Variants in LAMB2 observed in about 807,000 individuals in gnomAD.
The protein encoded by LAMB2 is laminin subunit beta-2.
Under a neutral mutation model 202.7 loss-of-function variants are expected in LAMB2, and 119 were observed. The ratio of observed to expected loss-of-function variants is 0.59; its 90% CI spans 0.51 to 0.68. The LOEUF (loss-of-function observed/expected upper bound fraction) is 0.68, where lower values mean the gene tolerates loss of function less well. Among genes scored for constraint, LAMB2 ranks in the 30% least tolerant of loss-of-function variants. The probability of loss-of-function intolerance (pLI) is 0.00; values close to 1 mark genes in which losing one functional copy is unlikely to be tolerated. For missense variants in LAMB2, 2,124 were observed against 2,410.6 expected, an observed-to-expected ratio of 0.88 and a Z score of 2.49; for synonymous variants, 818 against 902.2, an observed-to-expected ratio of 0.91 and a Z score of 1.67.
Position 49,125,970 on chromosome 3 carries a change from G to A in LAMB2, c.2341C>T (p.Leu781=). 6.2e-7 allele frequency: 1 copy of A among 1,614,158 alleles called. No homozygotes were observed. The highest frequency in any genetic ancestry group is 1.7e-5 in the Admixed American group (1 of 60,024). ...SLSTLIYNGA[L]PCQCNPQGSL... ...AACCCACATCACAGACACTCACGCA[G>A]GGCACCATTGTAGATGAGGGTGGAC... is the stretch of plus-strand genomic sequence containing the variant. Residue 781 remains leucine (L), a synonymous_variant, in exon 17 of 32, where the codon CTG becomes TTG. Transcript: ENST00000305544.
chr3:49,132,340 G>A lies in LAMB2; in HGVS notation c.315C>T (p.Ser105=). The part of the protein sequence containing the change: ...RPFSARDNPH[S]HRIQNVVTSF... ...TGGTGACTACATTCTGGATGCGATG[G>A]CTGTGTGGGTTGTCTCTAGCAGAGA... Residue 105 remains serine, a synonymous_variant, in exon 3 of 32, where the codon AGC becomes AGT. Coordinates refer to ENST00000305544, the MANE Select transcript of LAMB2 (RefSeq NM_002292.4). The surrounding 1 kb of genome is among the most constrained non-coding windows in gnomAD (Gnocchi z 4.6). The A allele has an allele frequency of 6.2e-7, 1 of 1,614,242 alleles. No homozygotes were observed.
rs1252840499 is a variant in LAMB2, at chr3:49,128,744, G to A, written c.1807C>T (p.Gln603Ter). 6.2e-7 allele frequency: 1 copy of A among 1,614,036 alleles called. No individual in the cohort carries two copies. Among genetic ancestry groups the A allele is most frequent in the Non-Finnish European group, 8.5e-7 (1 of 1,180,034 alleles). ...SWTGSGFVRL[Q>*]EGQTLEFLVA... The stretch of plus-strand genomic sequence containing the variant: ...AGGAACTCCAGGGTCTGACCTTCCT[G>A]TAGCCGCACGAAGCCTGAGCCAGTC... Residue 603 changes from glutamine (Q) to a stop codon, truncating the protein, a stop_gained, in exon 14 of 32, where the codon CAG becomes TAG. Coordinates refer to ENST00000305544, the MANE Select transcript of LAMB2 (RefSeq NM_002292.4). LOFTEE classifies it high-confidence loss of function.
In LAMB2 at chr3:49,123,134, G is replaced by A. The variant is rs143974640; in HGVS notation, c.4222C>T (p.Leu1408=). 1.1e-3 allele frequency: 1,807 copies of A among 1,611,696 alleles called. 21 individuals are homozygous for A. The African/African-American group carries it at 0.021, about 19-fold the overall frequency. ...CCCACCCAACACTTCAACCTCACCA[G>A]CTCATTTATGTCTGTCAGGCTCAGG... ...HTLSLTDINE[L]VCGAPGDAPC... is the part of the protein sequence containing the mutation. Residue 1408 remains leucine (L), a splice_region_variant and synonymous_variant, in exon 26 of 32, where the codon CTG becomes TTG. Transcript: ENST00000305544.
chr3:49,128,794 A>C lies in LAMB2; in HGVS notation c.1757T>G (p.Val586Gly). ...GQVLDVVERL[V>G]TPGETPSWTG... ...CCAGGATGGAGTTTCCCCGGGGGTC[A>C]CCAGGCGCTCCACCACATCGAGCAC... The change falls in exon 14 of 32, where the codon GTG becomes GGG. Residue 586 changes from valine (V) to glycine (G), a missense_variant. Physicochemically the swap from Val to Gly is moderately radical, Grantham distance 109. This residue lies in a region of LAMB2 where 1,702 missense variants were observed against 1,896.3 expected (regional missense o/e 0.90). Transcript: ENST00000305544. The C allele has an allele frequency of 6.2e-7, 1 of 1,613,624 alleles. No individual in the cohort carries two copies. The highest frequency in any genetic ancestry group is 8.5e-7 in the Non-Finnish European group (1 of 1,179,680).
In LAMB2 at chr3:49,132,348, G is replaced by C; in HGVS notation, c.307C>G (p.Pro103Ala). ...ACATTCTGGATGCGATGGCTGTGTG[G>C]GTTGTCTCTAGCAGAGAAGGGGCGC... ...SRRPFSARDN[P>A]HSHRIQNVVT... The change falls in exon 3 of 32, where the codon CCA (proline) becomes GCA (alanine). Residue 103 changes from proline to alanine, a missense_variant. This residue lies in a region of LAMB2 where 166 missense variants were observed against 158.2 expected (regional missense o/e 1.05). Coordinates refer to ENST00000305544, the MANE Select transcript of LAMB2 (RefSeq NM_002292.4). The surrounding 1 kb of genome is among the most constrained non-coding windows in gnomAD (Gnocchi z 4.6). 6.2e-7 allele frequency: 1 copy of C among 1,614,238 alleles called. No individual in the cohort carries two copies. The highest frequency in any genetic ancestry group is 1.6e-4 in the Middle Eastern group (1 of 6,062).
rs775759513 is a variant in LAMB2, at chr3:49,125,765, C to T, written c.2470G>A (p.Gly824Ser). ...AGAGTACCTTGACAGCCTGTGGGGC[C>T]AAAGCCATAGTAGCCAGGGGCACAG... ...DLCAPGYYGF[G>S]PTGCQACQCS... Residue 824 changes from glycine to serine, a missense_variant, in exon 18 of 32, where the codon GGC becomes AGC. Physicochemically the swap from Gly to Ser is moderately conservative, Grantham distance 56. Coordinates refer to ENST00000305544, the MANE Select transcript of LAMB2 (RefSeq NM_002292.4). The T allele has an allele frequency of 8.1e-6, 13 of 1,614,000 alleles. No homozygotes were observed. Among genetic ancestry groups the T allele is most frequent in the Non-Finnish European group, 1.1e-5 (13 of 1,179,958 alleles).
intron 15 of LAMB2, among the ~76,000 whole-genome samples, chr3:49,127,749 G>T (rs185652065): frequency 7.0e-6 from 1 of 143,720 alleles, no homozygotes; most frequent in Admixed American, 7.0e-5. Context: ...GGCTGGGCAC[G>T]GTGGCTCACA....
In LAMB2 at chr3:49,122,019, C is replaced by T. The variant is rs567190427; in HGVS notation, c.4848G>A (p.Arg1616=). Reference sequence around the variant, plus strand: ...TGGCACCCTGGGCAATACCCTGTGCCCGCTGGGCCTCCTCCAGTGCTGCCT... The same window carrying T: ...TGGCACCCTGGGCAATACCCTGTGCTCGCTGGGCCTCCTCCAGTGCTGCCT... The part of the protein sequence containing the change: ...TVQAALEEAQ[R]AQGIAQGAIR... Residue 1616 remains arginine, a synonymous_variant, in exon 29 of 32, where the codon CGG becomes CGA. Coordinates refer to ENST00000305544, the MANE Select transcript of LAMB2 (RefSeq NM_002292.4). 1.4e-4 allele frequency: 225 copies of T among 1,613,858 alleles called. 1 individual carries two copies. In the South Asian group the frequency reaches 2.3e-3, roughly 17 times the overall value.
chr3:49,123,639 G>A lies in LAMB2; in HGVS notation c.3798-8C>T, dbSNP rs754697739. ...GCCTCCCCAATTTCACGCCTGCAATGATGGAGAGGGGGGTGTTTAGAGAGG... is the reference window on the plus strand; with the variant it reads ...GCCTCCCCAATTTCACGCCTGCAATAATGGAGAGGGGGGTGTTTAGAGAGG... On this transcript the variant is annotated splice_region_variant and splice_polypyrimidine_tract_variant and intron_variant, in intron 24 of 31. Coordinates refer to ENST00000305544, the MANE Select transcript of LAMB2 (RefSeq NM_002292.4). 1 of 1,614,086 alleles carries A rather than the reference G, an allele frequency of 6.2e-7. No individual in the cohort carries two copies. Among genetic ancestry groups the A allele is most frequent in the East Asian group, 2.2e-5 (1 of 44,882 alleles).
At position 49,125,459 on chromosome 3, in the gene LAMB2, T is replaced by C; in HGVS notation, c.2514A>G (p.Ala838=). 6.3e-7 allele frequency: 1 copy of C among 1,592,510 alleles called. No homozygotes were observed. The highest frequency in any genetic ancestry group is 8.5e-7 in the Non-Finnish European group (1 of 1,169,850). Residue 838 remains alanine, a synonymous_variant, in exon 19 of 32, where the codon GCA becomes GCG. Coordinates refer to ENST00000305544, the MANE Select transcript of LAMB2 (RefSeq NM_002292.4). ...TGGTCTTTTCACAGAGACTGCTGAG[T>C]GCCCCCTCGTGGCTGCACTGGCAGG... The part of the protein sequence containing the change: ...CQACQCSHEG[A]LSSLCEKTSG...
Position 49,129,842 on chromosome 3 carries a change from G to A in LAMB2, c.1402C>T (p.Arg468Trp), listed in dbSNP as rs757949710. The part of the protein sequence containing the change: ...GLSISDRLGC[R>W]RCQCNARGTV... ...AGTTAGGGCAGGAGACACATACGCCGGCAGCCCAGACGGTCACTGATGCTG... is the reference window on the plus strand; with the variant it reads ...AGTTAGGGCAGGAGACACATACGCCAGCAGCCCAGACGGTCACTGATGCTG... Residue 468 changes from arginine to tryptophan, a missense_variant, in exon 10 of 32, where the codon CGG (arginine) becomes TGG (tryptophan). By Grantham distance (101) the Arg-to-Trp change is moderately radical. Coordinates refer to ENST00000305544, the MANE Select transcript of LAMB2 (RefSeq NM_002292.4). This position sits in a 1 kb window ranked among gnomAD's most constrained non-coding sequence, Gnocchi z 6.1. The A allele has an allele frequency of 2.7e-5, 44 of 1,613,650 alleles. No individual in the cohort carries two copies. The highest frequency in any genetic ancestry group is 2.0e-4 in the East Asian group (9 of 44,894).
rs2045481259 is a variant in LAMB2 at position 49,131,483 on chromosome 3, T to C, written c.649-41A>G. 1.2e-6 allele frequency: 2 copies of C among 1,613,638 alleles called. No individual in the cohort carries two copies. The highest frequency in any genetic ancestry group is 3.3e-5 in the Admixed American group (2 of 59,982). ...GTTCATAGTCACACTGGACCTTGCC[T>C]CAGGCCCATCATCCCCAGCTTCCAG... On this transcript the variant is annotated intron_variant, in intron 5 of 31. Transcript: ENST00000305544. This position sits in a 1 kb window ranked among gnomAD's most constrained non-coding sequence, Gnocchi z 5.0.
Position 49,129,755 on chromosome 3 carries a change from T to C in LAMB2, c.1406-39A>G, listed in dbSNP as rs1397535475. On this transcript the variant is annotated intron_variant, in intron 10 of 31. Transcript: ENST00000305544. The surrounding 1 kb of genome is among the most constrained non-coding windows in gnomAD (Gnocchi z 6.1). ...GAACCATCAGCACTTTGGGAAACTG[T>C]GGCAGTGCTCATGTTCAGCTGAGTC... 6.2e-7 allele frequency: 1 copy of C among 1,608,186 alleles called. No individual in the cohort carries two copies. Among genetic ancestry groups the C allele is most frequent in the East Asian group, 2.2e-5 (1 of 44,856 alleles).
Position 49,121,299 on chromosome 3 carries a change from C to T in LAMB2, c.5324G>A (p.Gly1775Glu), listed in dbSNP as rs1012222142. 1.2e-6 allele frequency: 2 copies of T among 1,613,280 alleles called. No individual in the cohort carries two copies. Among genetic ancestry groups the T allele is most frequent in the African/African-American group, 2.7e-5 (2 of 74,910 alleles). ...CACGCTGCGCATCCTGGCCTCCAACCCGTCCAACTGGGCTGCCTTACTCTC... is the reference window on the plus strand; with the variant it reads ...CACGCTGCGCATCCTGGCCTCCAACTCGTCCAACTGGGCTGCCTTACTCTC... ...ALESKAAQLD[G>E]LEARMRSVLQ... The change falls in exon 32 of 32, where the codon GGG (glycine) becomes GAG (glutamate). Residue 1775 changes from glycine (G) to glutamate (E), a missense_variant. By Grantham distance (98) the Gly-to-Glu change is moderately conservative. Around this residue, in one of 3 missense-constraint regions of LAMB2, gnomAD observed 1,702 missense variants for 1,896.3 expected, o/e 0.90. Coordinates refer to ENST00000305544, the MANE Select transcript of LAMB2 (RefSeq NM_002292.4).
At position 49,130,864 on chromosome 3, in the gene LAMB2, T is replaced by C. The variant is rs886058677; in HGVS notation, c.916-4A>G. The C allele has an allele frequency of 2.5e-5, 41 of 1,614,138 alleles. No individual in the cohort carries two copies. Among genetic ancestry groups the C allele is most frequent in the Non-Finnish European group, 3.0e-5 (35 of 1,180,006 alleles). Reference sequence around the variant, plus strand: ...TGCAGATGCAAGCTCCGTGCACCTATAGAGGTTGGCAGGTAGGTTGTCAGC... The same window carrying C: ...TGCAGATGCAAGCTCCGTGCACCTACAGAGGTTGGCAGGTAGGTTGTCAGC... On this transcript the variant is annotated splice_polypyrimidine_tract_variant and splice_region_variant and intron_variant, in intron 7 of 31. Transcript: ENST00000305544. The surrounding 1 kb of genome is among the most constrained non-coding windows in gnomAD (Gnocchi z 5.0).
Position 49,129,844 on chromosome 3 carries a change from C to T in LAMB2, c.1400G>A (p.Cys467Tyr). 1 of 1,613,836 alleles carries T rather than the reference C, an allele frequency of 6.2e-7. No homozygotes were observed. Among genetic ancestry groups the T allele is most frequent in the East Asian group, 2.2e-5 (1 of 44,886 alleles). Residue 467 changes from cysteine (C) to tyrosine (Y), a missense_variant, in exon 10 of 32, where the codon TGC becomes TAC. By Grantham distance (194) the Cys-to-Tyr change is radical. Around this residue, in one of 3 missense-constraint regions of LAMB2, gnomAD observed 1,702 missense variants for 1,896.3 expected, o/e 0.90. Transcript: ENST00000305544. The surrounding 1 kb of genome is among the most constrained non-coding windows in gnomAD (Gnocchi z 6.1). ...FGLSISDRLG[C>Y]RRCQCNARGT... ...TTAGGGCAGGAGACACATACGCCGG[C>T]AGCCCAGACGGTCACTGATGCTGAG...
At position 49,126,456 on chromosome 3, in the gene LAMB2, A is replaced by G. The variant is rs2045416522; in HGVS notation, c.2060T>C (p.Ile687Thr). ...FPNPVCLEPG[I>T]SYKLHLKLVR... is the part of the protein sequence containing the mutation. ...CAGCTTCAGATGCAGCTTGTAGGAG[A>G]TACCAGGCTCAAGGCAGACAGGATT... Residue 687 changes from isoleucine to threonine, a missense_variant, in exon 16 of 32, where the codon ATC (isoleucine) becomes ACC (threonine). By Grantham distance (89) the Ile-to-Thr change is moderately conservative. This residue lies in a region of LAMB2 where 1,702 missense variants were observed against 1,896.3 expected (regional missense o/e 0.90). Transcript: ENST00000305544. 1 of 1,614,128 alleles carries G rather than the reference A, an allele frequency of 6.2e-7. No individual in the cohort carries two copies. Among genetic ancestry groups the G allele is most frequent in the Admixed American group, 1.7e-5 (1 of 60,008 alleles).
In LAMB2 at chr3:49,129,967, T is replaced by G. The variant is rs367947002; in HGVS notation, c.1277A>C (p.His426Pro). 1.6e-5 allele frequency: 26 copies of G among 1,613,916 alleles called. No individual in the cohort carries two copies. Among genetic ancestry groups the G allele is most frequent in the Non-Finnish European group, 2.0e-5 (24 of 1,180,026 alleles). ...GSQDGGRCDS[H>P]DDPALGLVSG... ...GACCAGTCCCAGTGCAGGGTCATCA[T>G]GGGAATCACAGCGACCACCGTCTTG... The change falls in exon 10 of 32, where the codon CAT becomes CCT. Residue 426 changes from histidine (H) to proline (P), a missense_variant. By Grantham distance (77) the His-to-Pro change is moderately conservative. This residue lies in a region of LAMB2 where 1,702 missense variants were observed against 1,896.3 expected (regional missense o/e 0.90). Transcript: ENST00000305544. This position sits in a 1 kb window ranked among gnomAD's most constrained non-coding sequence, Gnocchi z 6.1.
In LAMB2 at chr3:49,123,259, T is replaced by C. The variant is rs201519651; in HGVS notation, c.4097A>G (p.His1366Arg). The C allele has an allele frequency of 1.7e-5, 28 of 1,614,106 alleles. No homozygotes were observed. The East Asian group carries it at 3.3e-4, about 19-fold the overall frequency. The change falls in exon 26 of 32, where the codon CAT becomes CGT. Residue 1366 changes from histidine to arginine, a missense_variant. By Grantham distance (29) the His-to-Arg change is conservative. Around this residue, in one of 3 missense-constraint regions of LAMB2, gnomAD observed 1,702 missense variants for 1,896.3 expected, o/e 0.90. Coordinates refer to ENST00000305544, the MANE Select transcript of LAMB2 (RefSeq NM_002292.4). ...AGCATCCATCAGTGCCTCTGTCCGA[T>C]GCCGAGCACTTGCCGAGTTGCTCAC... ...SPVSNSASAR[H>R]RTEALMDAQK...
Sources: allele counts gnomAD v4.1 joint callset (sites outside exome capture counted in the v4.1 genomes callset), GRCh38; gene constraint gnomAD v4.1.1; regional missense constraint gnomAD v4.1.1; non-coding constraint Gnocchi (gnomAD v3.1); transcripts MANE v1.5; gene names NCBI Gene and HGNC (gene_info 2026-07-23, HGNC 2026-07-21).